Variants in AHCYL2 observed in about 807,000 individuals in gnomAD.
AHCYL2 encodes adenosylhomocysteinase like 2, also known as S-adenosylhomocysteine hydrolase-like protein 2.
Under a neutral mutation model 81.4 loss-of-function variants are expected in AHCYL2, and 28 were observed. The observed-to-expected ratio is 0.34, with a 90% CI of 0.25 to 0.47. AHCYL2 has a LOEUF of 0.47. Ranked by LOEUF, AHCYL2 falls within the 20% of genes least tolerant of loss-of-function variation. AHCYL2 has a pLI of 1.00. For missense variants in AHCYL2, 551 were observed against 785.1 expected, an observed-to-expected ratio of 0.70 and a Z score of 3.56; for synonymous variants, 272 against 290.2, an observed-to-expected ratio of 0.94 and a Z score of 0.64.
In AHCYL2 at chr7:129,360,814, A is replaced by C. The variant is rs150730673; in HGVS notation, c.364-18824A>C. Among the ~76,000 whole-genome samples the C allele has an allele frequency of 1.1e-3, 163 of 152,332 alleles. 1 individual carries two copies. Among genetic ancestry groups the C allele is most frequent in the African/African-American group, 3.4e-3 (140 of 41,568 alleles). On this transcript the variant is annotated intron_variant, in intron 1 of 16. Coordinates refer to ENST00000325006, the MANE Select transcript of AHCYL2 (RefSeq NM_015328.4). The stretch of plus-strand genomic sequence containing the variant: ...AGGCTCCAGAGATAGGCAGAGACCA[A>C]GTCATGAAAGGTCTTATATGTCATC...
At chr7:129,348,879 G>A (rs574513839) in intron 1 of AHCYL2, among the ~76,000 whole-genome samples, 1 of 152,164 alleles carries the variant, frequency 6.6e-6, no homozygotes, top group Admixed American at 6.5e-5. Flanking sequence ...GAGAGAAGAG[G>A]GTCTGTGACT....
intron 1 of AHCYL2, among the ~76,000 whole-genome samples, chr7:129,316,608 T>G (rs1797831583): frequency 6.6e-6 from 1 of 152,226 alleles, no homozygotes; most frequent in African/African-American, 2.4e-5. Flanking sequence ...AGACAGGTTA[T>G]GAAGGATTGA....
At chr7:129,420,123 C>A (rs1797043950) in intron 12 of AHCYL2, among the ~76,000 whole-genome samples, 1 of 152,182 alleles carries the variant, frequency 6.6e-6, no homozygotes, top group African/African-American at 2.4e-5. Flanking sequence ...CATAGCCATT[C>A]CAGTGCTTTA....
At chr7:129,353,663 T>A (rs573984601) in intron 1 of AHCYL2, among the ~76,000 whole-genome samples, 2 of 148,078 alleles carry the variant, frequency 1.4e-5, no homozygotes, top group Admixed American at 1.4e-4. Context: ...AGTGACGCCA[T>A]CTAGTAGGCC....
At position 129,261,418 on chromosome 7, in the gene AHCYL2, A is replaced by G. The variant is rs944641503; in HGVS notation, c.363+35979A>G. ...CATTAAACAATTGATTAATAATCTTAGAATCGTTGTTCAACCAATTGTAAA... is the reference window on the plus strand; with the variant it reads ...CATTAAACAATTGATTAATAATCTTGGAATCGTTGTTCAACCAATTGTAAA... On this transcript the variant is annotated intron_variant, in intron 1 of 16. Coordinates refer to ENST00000325006, the MANE Select transcript of AHCYL2 (RefSeq NM_015328.4). Among the ~76,000 whole-genome samples, 6 of 152,362 alleles carry G rather than the reference A, an allele frequency of 3.9e-5. 1 individual carries two copies. The highest frequency in any genetic ancestry group is 4.1e-4 in the South Asian group (2 of 4,828).
At chr7:129,388,953 A>G (rs1795327712) in intron 2 of AHCYL2, 103 bp from the exon 3 acceptor site, 2 of 1,394,044 alleles carry the variant, frequency 1.4e-6, no homozygotes, top group Admixed American at 2.5e-5. Flanking sequence ...AAAAAAATTT[A>G]TATGGTGCTA....
intron 11 of AHCYL2, among the ~76,000 whole-genome samples, chr7:129,409,852 A>AT (rs71162602): frequency 0.86 from 129,800 of 150,540 alleles, 56,332 homozygotes; most frequent in East Asian, 0.94. Context: ...GAAGCCAGAT[A>AT]TTTTTTTTTT....
intron 2 of AHCYL2, among the ~76,000 whole-genome samples, chr7:129,380,369 G>A (rs1050097550): frequency 2.6e-5 from 4 of 152,172 alleles, no homozygotes; most frequent in Non-Finnish European, 5.9e-5. Context: ...TATGCTAAAC[G>A]CTGCCTAGTA....
chr7:129,242,174 A>G (rs1017100547), intron 1 of AHCYL2, among the ~76,000 whole-genome samples: 2 of 152,140 alleles, frequency 1.3e-5, no homozygotes, highest in Non-Finnish European at 2.9e-5. Context: ...TTTAACTACT[A>G]TGTGGTATTT....
chr7:129,387,002 G>C (rs916292385), intron 2 of AHCYL2, among the ~76,000 whole-genome samples: 1 of 152,140 alleles, frequency 6.6e-6, no homozygotes, highest in African/African-American at 2.4e-5. Context: ...CATTTATTGA[G>C]TGCTTAATTA....
chr7:129,283,531 A>C (rs1257623421), intron 1 of AHCYL2: 1 of 382,238 alleles, frequency 2.6e-6, no homozygotes, highest in African/African-American at 2.1e-5. Flanking sequence ...ATATAGACTA[A>C]ATGGATATAT....
At chr7:129,384,536 G>C (rs1795115989) in intron 2 of AHCYL2, among the ~76,000 whole-genome samples, 1 of 152,008 alleles carries the variant, frequency 6.6e-6, no homozygotes, top group Non-Finnish European at 1.5e-5. Flanking sequence ...TATACTCAGT[G>C]TGTATGAACA....
intron 1 of AHCYL2, among the ~76,000 whole-genome samples, chr7:129,324,954 A>G (rs1174168575): frequency 2.6e-5 from 4 of 152,216 alleles, no homozygotes; most frequent in Non-Finnish European, 5.9e-5. Flanking sequence ...CAATCTTATG[A>G]TAGTGTACTT....
At chr7:129,239,024 CA>C (rs143060126) in intron 1 of AHCYL2, among the ~76,000 whole-genome samples, 38,124 of 151,986 alleles carry the variant, frequency 0.25, 4,890 homozygotes, top group East Asian at 0.42. Flanking sequence ...TTTGTGCAAT[CA>C]GGGATCATTT....
At chr7:129,321,063 G>A (rs1469555189) in intron 1 of AHCYL2, among the ~76,000 whole-genome samples, 6 of 152,128 alleles carry the variant, frequency 3.9e-5, no homozygotes, top group African/African-American at 1.4e-4. Context: ...ACTCATATTA[G>A]CTTTAGTACA....
intron 1 of AHCYL2, among the ~76,000 whole-genome samples, chr7:129,304,425 G>T (rs1434984773): frequency 3.9e-5 from 6 of 152,318 alleles, no homozygotes; most frequent in Admixed American, 2.6e-4. Flanking sequence ...ATTAAGTCCA[G>T]TGTTTCTTTG....
chr7:129,265,048 T>C (rs1795768616), intron 1 of AHCYL2, among the ~76,000 whole-genome samples: 2 of 152,258 alleles, frequency 1.3e-5, no homozygotes, highest in Non-Finnish European at 2.9e-5. Flanking sequence ...TGGTCAATTG[T>C]AATCCAGAAT....
rs566683164 is a variant in AHCYL2, at chr7:129,232,811, A to G, written c.363+7372A>G. Among the ~76,000 whole-genome samples the G allele has an allele frequency of 3.3e-5, 5 of 152,346 alleles. No homozygotes were observed. The East Asian group carries it at 5.8e-4, about 18-fold the overall frequency. ...CAGCATCTCCTGCTTGGCATTAGCA[A>G]TCACATCTTTGCCAACCCAGTTCTG... On this transcript the variant is annotated intron_variant, in intron 1 of 16. Coordinates refer to ENST00000325006, the MANE Select transcript of AHCYL2 (RefSeq NM_015328.4).
intron 1 of AHCYL2, among the ~76,000 whole-genome samples, chr7:129,346,781 GTATTTACC>G (rs1392027136): frequency 2.6e-5 from 4 of 152,106 alleles, no homozygotes; most frequent in African/African-American, 9.7e-5. Flanking sequence ...CCATTCCTTG[GTATTTACC>G]TAAAGGAATT....
Sources: allele counts gnomAD v4.1 joint callset (sites outside exome capture counted in the v4.1 genomes callset), GRCh38; gene constraint gnomAD v4.1.1; transcripts MANE v1.5; gene names NCBI Gene and HGNC (gene_info 2026-07-23, HGNC 2026-07-21).